The following PTPRJ variants were observed in gnomAD, a reference collection of about 807,000 sequenced individuals.
The protein encoded by PTPRJ is protein tyrosine phosphatase receptor type J.
In PTPRJ, 129 loss-of-function variants were observed where a neutral mutation model predicts 141.3. The observed-to-expected ratio is 0.91, with a 90% confidence interval of 0.79 to 1.06. The LOEUF (loss-of-function observed/expected upper bound fraction) is 1.06. PTPRJ is among the 50% of genes least tolerant of loss of function. The pLI is 0.00. For synonymous variants in PTPRJ, 610 were observed against 640.5 expected, an observed-to-expected ratio of 0.95 and a Z score of 0.72; for missense variants, 1,601 against 1,679.7, an observed-to-expected ratio of 0.95 and a Z score of 0.82.
chr11:48,131,144 C>A (rs1263788479), intron 8 of PTPRJ, among the ~76,000 whole-genome samples: 1 of 120,750 alleles, frequency 8.3e-6, no homozygotes, highest in African/African-American at 3.1e-5. Flanking sequence ...GTGGCATGAT[C>A]TTGGCTCACT....
chr11:48,102,964 GTTGAGTTGCT>G (rs1467998593), intron 1 of PTPRJ, among the ~76,000 whole-genome samples: 1 of 152,098 alleles, frequency 6.6e-6, no homozygotes, highest in East Asian at 1.9e-4. Flanking sequence ...GGTGTTCTGG[GTTGAGTTGCT>G]AGACCATTCT....
intron 19 of PTPRJ, among the ~76,000 whole-genome samples, chr11:48,154,663 G>A (rs955376447): frequency 7.2e-5 from 11 of 152,168 alleles, no homozygotes; most frequent in Admixed American, 3.9e-4. Context: ...ATTCGAAGCC[G>A]TGTTTTTCAT....
chr11:48,036,463 C>T (rs1854124967), intron 1 of PTPRJ, among the ~76,000 whole-genome samples: 1 of 152,086 alleles, frequency 6.6e-6, no homozygotes, highest in East Asian at 1.9e-4. Flanking sequence ...GGTTTAAAGT[C>T]GTATTTTTTA....
intron 1 of PTPRJ, among the ~76,000 whole-genome samples, chr11:48,005,890 G>T (rs879588177): frequency 2.0e-5 from 3 of 152,244 alleles, no homozygotes; most frequent in Non-Finnish European, 4.4e-5. Context: ...GGCTCAGTGA[G>T]GTTAAATAAG....
chr11:48,089,515 CAA>C (rs56252336), intron 1 of PTPRJ, among the ~76,000 whole-genome samples: 74,429 of 116,014 alleles, frequency 0.64, 23,833 homozygotes, highest in South Asian at 0.8. Flanking sequence ...GACTCCATCT[CAA>C]AAAAAAAAAA....
chr11:48,125,202 T>A lies in PTPRJ; in HGVS notation c.1093+16T>A, dbSNP rs1856806560. ...TTCAGGACAAGTAGGTTGAACTTTGTAAAATGGTGGCAGCCAGAGTTTCCT... is the reference window on the plus strand; with the variant it reads ...TTCAGGACAAGTAGGTTGAACTTTGAAAAATGGTGGCAGCCAGAGTTTCCT... On this transcript the variant is annotated intron_variant, in intron 6 of 24. Transcript: ENST00000418331. 2 of 1,611,600 alleles carry A rather than the reference T, an allele frequency of 1.2e-6. No homozygotes were observed. Among genetic ancestry groups the A allele is most frequent in the East Asian group, 4.5e-5 (2 of 44,800 alleles).
chr11:48,135,917 CT>C, intron 8 of PTPRJ, 121 bp from the exon 9 acceptor site: 1 of 1,174,074 alleles, frequency 8.5e-7, no homozygotes, highest in Non-Finnish European at 1.2e-6. Context: ...TGGAGTGTGC[CT>C]TTTGTGAACT....
Position 48,168,577 on chromosome 11 carries a change from T to TATATATATATATAC in PTPRJ, c.*1220_*1221insTATATATACATATA, listed in dbSNP as rs1555061333. 5 of 120,280 alleles carry TATATATATATATAC rather than the reference T, an allele frequency of 4.2e-5. No homozygotes were observed. The highest frequency in any genetic ancestry group is 1.6e-4 in the African/African-American group (5 of 31,854). The allele number at this position is 120,280 out of a possible 1,614,324, so 7.5% of individuals were successfully genotyped here. ...ATATATATATATATATATATATATA[T>TATATATATATATAC]ATATACACTAAGCTCTCAAAAACAG... On this transcript the variant is annotated 3_prime_UTR_variant, in exon 25 of 25. Coordinates refer to ENST00000418331, the MANE Select transcript of PTPRJ (RefSeq NM_002843.4).
At chr11:48,003,623 A>C (rs934089588) in intron 1 of PTPRJ, among the ~76,000 whole-genome samples, 2 of 151,976 alleles carry the variant, frequency 1.3e-5, no homozygotes, top group African/African-American at 4.8e-5. Flanking sequence ...AGCCTTCCAA[A>C]TAGCTGGGAT....
intron 1 of PTPRJ, among the ~76,000 whole-genome samples, chr11:48,059,680 G>GGT (rs1854866117): frequency 6.6e-6 from 1 of 152,212 alleles, no homozygotes. Flanking sequence ...TAGGTGACAA[G>GGT]GTAGTGCACA....
rs542525457 is a variant in PTPRJ, at chr11:48,058,380, A to AT, written c.97-51668dup. Reference sequence around the variant, plus strand: ...CCATCACACTCATCTAATTAAAACAATTTTTTTTTTGGTAGAGATGGGATC... The same window carrying AT: ...CCATCACACTCATCTAATTAAAACAATTTTTTTTTTTGGTAGAGATGGGATC... On this transcript the variant is annotated intron_variant, in intron 1 of 24. Transcript: ENST00000418331. Among the ~76,000 whole-genome samples the AT allele has an allele frequency of 4.4e-3, 652 of 148,966 alleles. 20 individuals are homozygous for AT. Among genetic ancestry groups the AT allele is most frequent in the Non-Finnish European group, 8.7e-4 (58 of 66,926 alleles).
chr11:48,130,605 C>A lies in PTPRJ; in HGVS notation c.1504C>A (p.Gln502Lys). The A allele has an allele frequency of 6.2e-7, 1 of 1,614,014 alleles. No individual in the cohort carries two copies. Among genetic ancestry groups the A allele is most frequent in the Non-Finnish European group, 8.5e-7 (1 of 1,179,970 alleles). ...GNSRVEITTN[Q>K]SIIIGGLFPG... Reference sequence around the variant, plus strand: ...TTCTCGGGTAGAAATAACCACCAACCAAAGTATTATCATTGGTGGCTTGTT... The same window carrying A: ...TTCTCGGGTAGAAATAACCACCAACAAAAGTATTATCATTGGTGGCTTGTT... The change falls in exon 8 of 25, where the codon CAA becomes AAA. Residue 502 changes from glutamine (Q) to lysine (K), a missense_variant. By Grantham distance (53) the Gln-to-Lys change is moderately conservative. Coordinates refer to ENST00000418331, the MANE Select transcript of PTPRJ (RefSeq NM_002843.4).
At chr11:48,009,918 A>G (rs1854733752) in intron 1 of PTPRJ, among the ~76,000 whole-genome samples, 2 of 152,224 alleles carry the variant, frequency 1.3e-5, no homozygotes, top group African/African-American at 2.4e-5. Context: ...GCTCTAAGCC[A>G]TCAAGGCCCC....
intron 1 of PTPRJ, among the ~76,000 whole-genome samples, chr11:47,989,166 A>G (rs1476580612): frequency 6.6e-6 from 1 of 151,636 alleles, no homozygotes; most frequent in African/African-American, 2.4e-5. Flanking sequence ...TACAGGTGTG[A>G]GCCACCGCGC....
At chr11:48,049,151 G>A (rs1191192810) in intron 1 of PTPRJ, among the ~76,000 whole-genome samples, 1 of 152,054 alleles carries the variant, frequency 6.6e-6, no homozygotes, top group African/African-American at 2.4e-5. Context: ...TGTTGTGAGC[G>A]CTGTCCTGTG....
rs1857735824 is a variant in PTPRJ at position 48,160,351 on chromosome 11, A to C, written c.3558+302A>C. On this transcript the variant is annotated intron_variant, in intron 22 of 24. Coordinates refer to ENST00000418331, the MANE Select transcript of PTPRJ (RefSeq NM_002843.4). ...TTCCACTTCCAGGTGACTTGCTCAT[A>C]GATTTTACAGAACAAACTGTAGCCT... Among the ~76,000 whole-genome samples, 4 of 152,226 alleles carry C rather than the reference A, an allele frequency of 2.6e-5. No individual in the cohort carries two copies. The South Asian group carries it at 8.3e-4, about 32-fold the overall frequency.
chr11:48,126,858 C>T (rs527346706), intron 6 of PTPRJ, among the ~76,000 whole-genome samples: 30 of 151,924 alleles, frequency 2.0e-4, no homozygotes, highest in Non-Finnish European at 2.8e-4. Flanking sequence ...GAGCACCCTG[C>T]ACTTTTCAAG....
At chr11:48,020,606 A>G (rs992720809) in intron 1 of PTPRJ, among the ~76,000 whole-genome samples, 1 of 152,174 alleles carries the variant, frequency 6.6e-6, no homozygotes, top group Non-Finnish European at 1.5e-5. Flanking sequence ...GCAGCCGGAC[A>G]TGGCTCAGTT....
chr11:48,067,158 GGAGA>G (rs1368903215), intron 1 of PTPRJ, among the ~76,000 whole-genome samples: 1 of 152,150 alleles, frequency 6.6e-6, no homozygotes, highest in African/African-American at 2.4e-5. Context: ...TCTCTCCTCT[GGAGA>G]GAGAAGGGAT....
Sources: gnomAD v4.1 joint callset for allele counts (sites outside exome capture counted in the v4.1 genomes callset) on GRCh38, gnomAD v4.1.1 for gene constraint, MANE v1.5 for transcripts, NCBI Gene and HGNC (gene_info 2026-07-23, HGNC 2026-07-21) for gene names.